Variants in LPA observed in about 807,000 individuals in gnomAD.
LPA encodes lipoprotein(a), also known as apolipoprotein(a).
LPA carries 199 observed loss-of-function variants against 197.9 expected under a neutral mutation model. The ratio of observed to expected loss-of-function variants is 1.01; its 90% confidence interval spans 0.90 to 1.13. The LOEUF (loss-of-function observed/expected upper bound fraction) is 1.13, where lower values mean the gene tolerates loss of function less well. Among genes scored for constraint, LPA ranks in the 50% most tolerant of loss-of-function variants. LPA has a pLI of 0.00. For missense variants in LPA, 1,853 were observed against 1,785.8 expected (o/e 1.04, Z -0.68); for synonymous variants, 715 against 639.5 (o/e 1.12, Z -1.78).
chr6:160,654,042 TA>T lies in LPA; in HGVS notation c.50-3546del, dbSNP rs1562354892. On this transcript the variant is annotated intron_variant, in intron 1 of 38. Coordinates refer to ENST00000316300, the MANE Select transcript of LPA (RefSeq NM_005577.4). The stretch of plus-strand genomic sequence containing the variant: ...TATAATATATAATATATATTATATA[TA>T]ATATATAATATATTATATATATTAT... Among the ~76,000 whole-genome samples, 160 of 24,998 alleles carry T rather than the reference TA, an allele frequency of 6.4e-3. 21 individuals are homozygous for T. The highest frequency in any genetic ancestry group is 0.014 in the African/African-American group (42 of 3,086). The allele number at this position is 24,998 out of a possible 152,430, so 16.4% of individuals were successfully genotyped here. A position where few individuals can be genotyped will look rare whatever the true frequency, so the allele number is the denominator to read the frequency against.
In LPA at chr6:160,548,477, C is replaced by T. The variant is rs1448756169; in HGVS notation, c.5155+1G>A. On this transcript the variant is annotated splice_donor_variant, in intron 31 of 38. Transcript: ENST00000316300. LOFTEE classifies it high-confidence loss of function. ...GACAAGGTAAGACACAGACTTCTTACCTTGTTCAGAAGGAGGCCCTAGGCT... is the reference window on the plus strand; with the variant it reads ...GACAAGGTAAGACACAGACTTCTTATCTTGTTCAGAAGGAGGCCCTAGGCT... The T allele has an allele frequency of 1.9e-6, 3 of 1,613,644 alleles. No individual in the cohort carries two copies. Among genetic ancestry groups the T allele is most frequent in the African/African-American group, 1.3e-5 (1 of 74,902 alleles).
At chr6:160,582,720 G>C in intron 26 of LPA, among the ~76,000 whole-genome samples, 1 of 152,056 alleles carries the variant, frequency 6.6e-6, no homozygotes, top group East Asian at 1.9e-4. Context: ...TCTTGACTAT[G>C]TGAGTTTATC....
intron 28 of LPA, among the ~76,000 whole-genome samples, chr6:160,565,304 G>T (rs1443230967): frequency 5.9e-5 from 9 of 152,124 alleles, no homozygotes; most frequent in African/African-American, 2.2e-4. Context: ...CATACAGCTG[G>T]GTGCCCCTCT....
At chr6:160,544,404 C>A (rs114159184) in intron 33 of LPA, among the ~76,000 whole-genome samples, 1 of 152,132 alleles carries the variant, frequency 6.6e-6, no homozygotes, top group Non-Finnish European at 1.5e-5. Context: ...TCAACTCACA[C>A]TAAATCCAGA....
chr6:160,561,185 T>C (rs1422959563), intron 28 of LPA, among the ~76,000 whole-genome samples: 1 of 152,142 alleles, frequency 6.6e-6, no homozygotes, highest in African/African-American at 2.4e-5. Context: ...TCTTCTAGGG[T>C]TTTTATGGTT....
At chr6:160,554,604 A>G (rs1010088829) in intron 30 of LPA, among the ~76,000 whole-genome samples, 2 of 152,138 alleles carry the variant, frequency 1.3e-5, no homozygotes, top group African/African-American at 4.8e-5. Context: ...CGGGCTGATC[A>G]GAACCCCGGT....
intron 28 of LPA, among the ~76,000 whole-genome samples, chr6:160,561,200 G>A (rs1421314176): frequency 3.9e-5 from 6 of 152,128 alleles, no homozygotes; most frequent in African/African-American, 2.4e-5. Flanking sequence ...ATGGTTTTAG[G>A]TCTTACATTT....
intron 1 of LPA, among the ~76,000 whole-genome samples, chr6:160,654,040 TATAA>T (rs1562354885): frequency 6.6e-5 from 1 of 15,090 alleles, no homozygotes; most frequent in Non-Finnish European, 9.9e-5. Context: ...ATATATTATA[TATAA>T]TATATAATAT....
intron 1 of LPA, among the ~76,000 whole-genome samples, chr6:160,652,300 G>T (rs907295057): frequency 6.6e-6 from 1 of 151,966 alleles, no homozygotes; most frequent in Non-Finnish European, 1.5e-5. Flanking sequence ...TATCTTAAAG[G>T]CAGTCAGAGA....
intron 24 of LPA, among the ~76,000 whole-genome samples, chr6:160,587,799 GTTTC>G (rs1778942675): frequency 3.6e-5 from 4 of 112,342 alleles, no homozygotes; most frequent in Non-Finnish European, 5.4e-5. Flanking sequence ...GTGTGTGTGT[GTTTC>G]TGTCTGTTGG....
chr6:160,576,213 A>G (rs1249443450), intron 28 of LPA, among the ~76,000 whole-genome samples: 1 of 150,390 alleles, frequency 6.6e-6, no homozygotes, highest in Non-Finnish European at 1.5e-5. Flanking sequence ...GCGTTTGTGT[A>G]CCTCCTGACT....
chr6:160,568,420 C>T (rs1778502646), intron 28 of LPA, among the ~76,000 whole-genome samples: 1 of 152,166 alleles, frequency 6.6e-6, no homozygotes, highest in Admixed American at 6.5e-5. Flanking sequence ...CAGAAAAGGC[C>T]TTTGACAAAA....
At chr6:160,554,481 A>C (rs916915062) in intron 30 of LPA, among the ~76,000 whole-genome samples, 3 of 152,162 alleles carry the variant, frequency 2.0e-5, no homozygotes, top group Non-Finnish European at 2.9e-5. Context: ...AAGCTTTACT[A>C]GGGTGTTTCT....
chr6:160,573,340 T>C (rs1384104085), intron 28 of LPA, among the ~76,000 whole-genome samples: 2 of 151,924 alleles, frequency 1.3e-5, no homozygotes, highest in Admixed American at 6.5e-5. Flanking sequence ...TTTTACTTCT[T>C]ATACCTTTTT....
intron 28 of LPA, among the ~76,000 whole-genome samples, chr6:160,574,132 A>C (rs376170255): frequency 5.9e-5 from 9 of 151,784 alleles, no homozygotes; most frequent in East Asian, 1.9e-4. Context: ...ACCTAGGAGG[A>C]TTATGGCTGC....
rs538615162 is a variant in LPA at position 160,564,256 on chromosome 6, C to T, written c.4632-6685G>A. On this transcript the variant is annotated intron_variant, in intron 28 of 38. Coordinates refer to ENST00000316300, the MANE Select transcript of LPA (RefSeq NM_005577.4). ...TCTTCAGGACCTCTTGTAAGGCAGG[C>T]CTGGTGTTGACAAAATTCCTCAGCA... 3.9e-5 allele frequency among the ~76,000 whole-genome samples: 6 copies of T among 152,236 alleles called. No individual in the cohort carries two copies. In the East Asian group the frequency reaches 9.6e-4, roughly 24 times the overall value.
intron 23 of LPA, among the ~76,000 whole-genome samples, chr6:160,590,470 C>T (rs1779004794): frequency 6.6e-6 from 1 of 152,092 alleles, no homozygotes; most frequent in African/African-American, 2.4e-5. Context: ...GTTACCTAGA[C>T]CCAGGAGGAT....
intron 1 of LPA, among the ~76,000 whole-genome samples, chr6:160,652,867 T>C (rs1441699139): frequency 6.6e-6 from 1 of 152,110 alleles, no homozygotes; most frequent in Non-Finnish European, 1.5e-5. Context: ...AATCAAAGTA[T>C]ATATTATAAA....
At chr6:160,570,402 G>A (rs145340107) in intron 28 of LPA, among the ~76,000 whole-genome samples, 6,160 of 152,162 alleles carry the variant, frequency 0.04, 393 homozygotes, top group African/African-American at 0.14. Flanking sequence ...TCCAAACACC[G>A]AATGTTCTCA....
Sources: allele counts gnomAD v4.1 joint callset (sites outside exome capture counted in the v4.1 genomes callset), GRCh38; gene constraint gnomAD v4.1.1; transcripts MANE v1.5; gene names NCBI Gene and HGNC (gene_info 2026-07-23, HGNC 2026-07-21).